Variants in ILRUN observed in about 807,000 individuals in gnomAD.
ILRUN encodes inflammation and lipid regulator with UBA-like and NBR1-like domains.
A neutral mutation model predicts 33.8 loss-of-function variants in ILRUN; 3 were observed. That is an observed-to-expected ratio of 0.09 (90% CI 0.04 to 0.23). ILRUN has a LOEUF of 0.23. Ranked by LOEUF, ILRUN falls within the 10% of genes least tolerant of loss-of-function variation. The pLI, the probability that ILRUN is intolerant of heterozygous loss-of-function variation, is 1.00. For synonymous variants in ILRUN, 124 were observed against 138.9 expected (o/e 0.89, Z 0.75); for missense variants, 210 against 375.1 (o/e 0.56, Z 3.64).
Position 34,590,394 on chromosome 6 carries a change from G to C in ILRUN, c.*171C>G. 1 of 795,486 alleles carries C rather than the reference G, an allele frequency of 1.3e-6. No individual in the cohort carries two copies. The highest frequency in any genetic ancestry group is 2.8e-5 in the Admixed American group (1 of 35,270). 49.3% of individuals were successfully genotyped at this position (795,486 alleles called of 1,614,324 possible). The stretch of plus-strand genomic sequence containing the variant: ...GATTCAGCATTCACACATGCATACT[G>C]AGTTTACTCAAAACTAGTCTGTTCT... On this transcript the variant is annotated 3_prime_UTR_variant, in exon 5 of 5. Coordinates refer to ENST00000374023, the MANE Select transcript of ILRUN (RefSeq NM_024294.4).
intron 3 of ILRUN, among the ~76,000 whole-genome samples, chr6:34,621,572 A>C (rs1050962136): frequency 1.3e-5 from 2 of 152,176 alleles, no homozygotes; most frequent in African/African-American, 4.8e-5. Context: ...AACTTATCAC[A>C]AAGTGGCCCG....
Position 34,595,984 on chromosome 6 carries a change from C to T in ILRUN, c.862-5384G>A, listed in dbSNP as rs1317111254. On this transcript the variant is annotated intron_variant, in intron 4 of 4. Transcript: ENST00000374023. ...ACACAGAAGAATACAGGGTTTAGTA[C>T]TAAGTCCTGTCCTGATTTATACTGC... 9 of 930,062 alleles carry T rather than the reference C, an allele frequency of 9.7e-6. No individual in the cohort carries two copies. In the East Asian group the frequency reaches 3.5e-4, roughly 36 times the overall value. The allele number at this position is 930,062 out of a possible 1,614,324, so 57.6% of individuals were successfully genotyped here.
intron 2 of ILRUN, 28 bp downstream of exon 2, chr6:34,654,597 A>C (rs1368522936): frequency 6.3e-7 from 1 of 1,579,510 alleles, no homozygotes; most frequent in East Asian, 2.3e-5. Context: ...AAAACTAGGC[A>C]AGGGAGGATT....
In ILRUN at chr6:34,654,743, A is replaced by G; in HGVS notation, c.195T>C (p.Phe65=). The change falls in exon 2 of 5, where the codon TTT becomes TTC. Residue 65 remains phenylalanine (F), a synonymous_variant. Transcript: ENST00000374023. ...LQAAIGAYYD[F]ESPNISVPSM... ...AGGGCACACTGATGTTTGGGCTCTCAAAGTCATAATAGGCGCCAATTGCTG... is the reference window on the plus strand; with the variant it reads ...AGGGCACACTGATGTTTGGGCTCTCGAAGTCATAATAGGCGCCAATTGCTG... The G allele has an allele frequency of 1.9e-6, 3 of 1,613,998 alleles. No homozygotes were observed. The highest frequency in any genetic ancestry group is 2.5e-6 in the Non-Finnish European group (3 of 1,179,960).
intron 3 of ILRUN, among the ~76,000 whole-genome samples, chr6:34,614,443 A>AAAAAATATATAT (rs71000073): frequency 6.0e-5 from 8 of 133,584 alleles, no homozygotes; most frequent in Admixed American, 1.5e-4. Flanking sequence ...AAAAAAAAAA[A>AAAAAATATATAT]ATATATATAT....
At chr6:34,676,968 C>T (rs1006370057) in intron 1 of ILRUN, among the ~76,000 whole-genome samples, 8 of 144,984 alleles carry the variant, frequency 5.5e-5, no homozygotes, top group Non-Finnish European at 1.2e-4. Context: ...GAATTTGCCC[C>T]AAATAAATAC....
chr6:34,687,559 G>A (rs969832477), intron 1 of ILRUN, among the ~76,000 whole-genome samples: 11 of 151,642 alleles, frequency 7.3e-5, no homozygotes, highest in South Asian at 6.2e-4. Flanking sequence ...TTAGCAGGGC[G>A]TGGTGGCACA....
intron 3 of ILRUN, among the ~76,000 whole-genome samples, chr6:34,628,399 C>A (rs1034524869): frequency 1.3e-5 from 2 of 152,082 alleles, no homozygotes; most frequent in Non-Finnish European, 2.9e-5. Flanking sequence ...TCTCGGCTCA[C>A]TGCAACCTCC....
At chr6:34,683,481 TATATAC>T (rs1763439453) in intron 1 of ILRUN, among the ~76,000 whole-genome samples, 4 of 108,584 alleles carry the variant, frequency 3.7e-5, no homozygotes, top group African/African-American at 1.9e-4. Context: ...TACACATATA[TATATAC>T]ATATATATAT....
intron 3 of ILRUN, among the ~76,000 whole-genome samples, chr6:34,633,123 G>GTT (rs1762281704): frequency 6.6e-6 from 1 of 152,172 alleles, no homozygotes. Flanking sequence ...TCAAAAGGAA[G>GTT]TTAAAGTGGC....
intron 3 of ILRUN, among the ~76,000 whole-genome samples, chr6:34,643,518 A>C (rs546509622): frequency 6.6e-6 from 1 of 152,242 alleles, no homozygotes; most frequent in South Asian, 2.1e-4. Flanking sequence ...CCTAGTCTTA[A>C]AAATCTTTAA....
At chr6:34,606,040 C>T (rs890882698) in intron 4 of ILRUN, among the ~76,000 whole-genome samples, 3 of 152,124 alleles carry the variant, frequency 2.0e-5, no homozygotes, top group Non-Finnish European at 2.9e-5. Context: ...AAGTGCCTCA[C>T]AACAATCAGA....
intron 1 of ILRUN, among the ~76,000 whole-genome samples, chr6:34,671,500 A>T (rs1341076033): frequency 6.6e-6 from 1 of 152,254 alleles, no homozygotes; most frequent in East Asian, 1.9e-4. Flanking sequence ...TGGAGAAAGA[A>T]AGTTATCTGT....
rs189500372 is a variant in ILRUN at position 34,663,291 on chromosome 6, C to T, written c.159-8512G>A. Among the ~76,000 whole-genome samples, 43 of 151,918 alleles carry T rather than the reference C, an allele frequency of 2.8e-4. 1 individual carries two copies. In the East Asian group the frequency reaches 7.6e-3, roughly 27 times the overall value. On this transcript the variant is annotated intron_variant, in intron 1 of 4. Transcript: ENST00000374023. ...TTGAAAAATTATCTGGGTATAGTGG[C>T]GCGTGCCTATAGTCCCAGCTACTCA...
chr6:34,616,651 G>T, intron 3 of ILRUN: 5 of 1,422,388 alleles, frequency 3.5e-6, no homozygotes, highest in Non-Finnish European at 4.9e-6. Flanking sequence ...TTGCCCAAAA[G>T]GTGCTTTGAA....
chr6:34,693,588 C>T (rs1023586312), intron 1 of ILRUN, among the ~76,000 whole-genome samples: 2 of 152,030 alleles, frequency 1.3e-5, no homozygotes, highest in Admixed American at 1.3e-4. Context: ...ACAGAAATAA[C>T]ATGTCATCAA....
intron 3 of ILRUN, among the ~76,000 whole-genome samples, chr6:34,633,387 C>A (rs1032134309): frequency 5.3e-5 from 8 of 152,098 alleles, no homozygotes; most frequent in Admixed American, 3.9e-4. Flanking sequence ...TAAACAACAA[C>A]AAAAATCAAC....
At chr6:34,650,608 GTTTTAGTAGAGATGGGGT>G (rs1404962279) in intron 2 of ILRUN, among the ~76,000 whole-genome samples, 5 of 151,664 alleles carry the variant, frequency 3.3e-5, no homozygotes, top group South Asian at 2.1e-4. Context: ...TTTTTTTGCA[GTTTTAGTAGAGATGGGGT>G]TTTTAGTAGA....
At chr6:34,677,262 A>C (rs532625121) in intron 1 of ILRUN, among the ~76,000 whole-genome samples, 2 of 152,184 alleles carry the variant, frequency 1.3e-5, no homozygotes, top group African/African-American at 4.8e-5. Context: ...AGCTGAGATC[A>C]CGCCACTGCA....
Sources: gnomAD v4.1 joint callset for allele counts (sites outside exome capture counted in the v4.1 genomes callset) on GRCh38, gnomAD v4.1.1 for gene constraint, MANE v1.5 for transcripts, NCBI Gene and HGNC (gene_info 2026-07-23, HGNC 2026-07-21) for gene names.